The following SLC29A1 variants were observed in gnomAD, a reference collection of about 807,000 sequenced individuals.
SLC29A1 encodes solute carrier family 29 member 1 (Augustine blood group).
Under a neutral mutation model 48.3 loss-of-function variants are expected in SLC29A1, and 22 were observed. The observed-to-expected ratio is 0.46, with a 90% CI of 0.33 to 0.65. SLC29A1 has a LOEUF of 0.65. SLC29A1 is among the 30% of genes least tolerant of loss of function. The pLI is 0.03. For missense variants in SLC29A1, 491 were observed against 575.3 expected (o/e 0.85, Z 1.50); for synonymous variants, 228 against 231.0 (o/e 0.99, Z 0.12).
rs1779123362 is a variant in SLC29A1 at position 44,232,485 on chromosome 6, C to T, written c.1059+57C>T. 6.0e-6 allele frequency: 7 copies of T among 1,167,798 alleles called. No individual in the cohort carries two copies. The South Asian group carries it at 9.0e-5, about 15-fold the overall frequency. 72.3% of individuals were successfully genotyped at this position (1,167,798 alleles called of 1,614,324 possible). On this transcript the variant is annotated intron_variant, in intron 11 of 12. Transcript: ENST00000371755. The surrounding 1 kb of genome is among the most constrained non-coding windows in gnomAD (Gnocchi z 4.7). ...TGGGAAGTAAGAGTCCAGCCTGGAC[C>T]CAGAGAGGGAACCCAAGAAAGTATG...
chr6:44,226,654 A>T (rs1298916836), intron 1 of SLC29A1: 1 of 763,582 alleles, frequency 1.3e-6, no homozygotes, highest in Non-Finnish European at 1.6e-6. Flanking sequence ...TCAGGAGAGG[A>T]CAGCCCCACT....
chr6:44,227,341 AGGTAAGG>A lies in SLC29A1; in HGVS notation c.29+9_29+15del. Reference sequence around the variant, plus strand: ...GACAACCAGTCACCAGCCTCAGGACAGGTAAGGGGTAAGGGGCTGGGCTGTGGATCCA... The same window carrying A: ...GACAACCAGTCACCAGCCTCAGGACAGGTAAGGGGCTGGGCTGTGGATCCA... On this transcript the variant is annotated splice_donor_variant and splice_donor_5th_base_variant and coding_sequence_variant and intron_variant, in exon 2 of 13. Coordinates refer to ENST00000371755, the MANE Select transcript of SLC29A1 (RefSeq NM_001372327.1). LOFTEE classifies it high-confidence loss of function. 2 of 1,613,416 alleles carry A rather than the reference AGGTAAGG, an allele frequency of 1.2e-6. No homozygotes were observed. The highest frequency in any genetic ancestry group is 1.3e-5 in the African/African-American group (1 of 75,046).
At chr6:44,231,287 G>A in intron 8 of SLC29A1, 77 bp from the exon 9 acceptor site, 1 of 961,248 alleles carries the variant, frequency 1.0e-6, no homozygotes. Flanking sequence ...AGTAATCCCA[G>A]CCGTTTTGGG....
chr6:44,229,786 T>C lies in SLC29A1; in HGVS notation c.309T>C (p.His103=). 1 of 1,613,556 alleles carries C rather than the reference T, an allele frequency of 6.2e-7. No homozygotes were observed. The highest frequency in any genetic ancestry group is 2.2e-5 in the East Asian group (1 of 44,870). The change falls in exon 4 of 13, where the codon CAT becomes CAC. Residue 103 remains histidine, a synonymous_variant. Transcript: ENST00000371755. The surrounding 1 kb of genome is among the most constrained non-coding windows in gnomAD (Gnocchi z 5.1). The part of the protein sequence containing the change: ...LLFTYLNSFL[H]QRIPQSVRIL... ...TCACCTACCTCAACTCCTTCCTGCA[T>C]CAGAGGTGAGTGCCCACCCCCTCCC... is the stretch of plus-strand genomic sequence containing the variant.
At chr6:44,230,252 C>T in intron 5 of SLC29A1, 95 bp from the exon 6 acceptor site, 1 of 1,552,762 alleles carries the variant, frequency 6.4e-7, no homozygotes, top group Non-Finnish European at 8.7e-7. Flanking sequence ...TCAAGGCTCA[C>T]CAAGAGTAAA....
At position 44,232,241 on chromosome 6, in the gene SLC29A1, C is replaced by T. The variant is rs1779059733; in HGVS notation, c.974-102C>T. ...TTGCCCTTCCCTGGGCTGGAAGCAT[C>T]TTCTCCATTTTACTGTTGGGGAAGC... On this transcript the variant is annotated intron_variant, in intron 10 of 12. Transcript: ENST00000371755. This position sits in a 1 kb window ranked among gnomAD's most constrained non-coding sequence, Gnocchi z 4.7. The T allele has an allele frequency of 1.7e-6, 2 of 1,159,246 alleles. No homozygotes were observed. The highest frequency in any genetic ancestry group is 1.5e-5 in the African/African-American group (1 of 66,026). 71.8% of individuals were successfully genotyped at this position (1,159,246 alleles called of 1,614,324 possible).
intron 1 of SLC29A1, chr6:44,224,049 CTCGCGAGCGGAGGTGCGGG>C (rs1159899662): frequency 8.0e-5 from 5 of 62,332 alleles, no homozygotes; most frequent in African/African-American, 6.7e-4. Context: ...GAGGTGCAGG[CTCGCGAGCGGAGGTGCGGG>C]GCTGTCTCTT....
At chr6:44,227,149 A>C (rs1777740825) in intron 1 of SLC29A1, 114 bp from the exon 2 acceptor site, 1 of 1,377,708 alleles carries the variant, frequency 7.3e-7, no homozygotes, top group Non-Finnish European at 9.8e-7. Flanking sequence ...AGGGGGTCTT[A>C]CTGGACTCCT....
rs932981136 is a variant in SLC29A1, at chr6:44,229,120, C to T, written c.30-270C>T. Reference sequence around the variant, plus strand: ...CTGGTTCCCAGCCTGCAGAGTCCCCCGAGCCTTCCAGGGCTGATAACCATG... The same window carrying T: ...CTGGTTCCCAGCCTGCAGAGTCCCCTGAGCCTTCCAGGGCTGATAACCATG... On this transcript the variant is annotated intron_variant, in intron 2 of 12. Transcript: ENST00000371755. The surrounding 1 kb of genome is among the most constrained non-coding windows in gnomAD (Gnocchi z 5.1). Among the ~76,000 whole-genome samples, 1 of 152,174 alleles carries T rather than the reference C, an allele frequency of 6.6e-6. No homozygotes were observed.
In SLC29A1 at chr6:44,232,585, C is replaced by T; in HGVS notation, c.1059+157C>T. The T allele has an allele frequency of 3.1e-6, 2 of 650,026 alleles. No homozygotes were observed. Among genetic ancestry groups the T allele is most frequent in the South Asian group, 1.9e-5 (1 of 53,830 alleles). The allele number at this position is 650,026 out of a possible 1,614,324, so 40.3% of individuals were successfully genotyped here. On this transcript the variant is annotated intron_variant, in intron 11 of 12. Coordinates refer to ENST00000371755, the MANE Select transcript of SLC29A1 (RefSeq NM_001372327.1). This position sits in a 1 kb window ranked among gnomAD's most constrained non-coding sequence, Gnocchi z 4.7. The stretch of plus-strand genomic sequence containing the variant: ...TTAAGTACAAGTCTTAAGTGTACAA[C>T]TTAATGAATATATGTATATACACAT...
chr6:44,230,970 TGCCCTGTGTTAGCTA>T, intron 8 of SLC29A1, 81 bp downstream of exon 8: 1 of 1,072,106 alleles, frequency 9.3e-7, no homozygotes. Flanking sequence ...CAAAGATGAG[TGCCCTGTGTTAGCTA>T]GCAGCCCTGA....
Position 44,233,598 on chromosome 6 carries a change from T to C in SLC29A1, c.*70T>C. The C allele has an allele frequency of 2.4e-6, 3 of 1,244,852 alleles. No individual in the cohort carries two copies. Among genetic ancestry groups the C allele is most frequent in the South Asian group, 2.4e-5 (2 of 82,724 alleles). 77.1% of individuals were successfully genotyped at this position (1,244,852 alleles called of 1,614,324 possible). A position where few individuals can be genotyped will look rare whatever the true frequency, so the allele number is the denominator to read the frequency against. On this transcript the variant is annotated 3_prime_UTR_variant, in exon 13 of 13. Coordinates refer to ENST00000371755, the MANE Select transcript of SLC29A1 (RefSeq NM_001372327.1). ...TCCTGCCCCTTCCTTCTGCCAGGGGTGATCCTGAGTGGTCTGGCGGTTTTT... is the reference window on the plus strand; with the variant it reads ...TCCTGCCCCTTCCTTCTGCCAGGGGCGATCCTGAGTGGTCTGGCGGTTTTT...
Position 44,230,670 on chromosome 6 carries a change from G to A in SLC29A1, c.687+5G>A. 2.2e-6 allele frequency: 2 copies of A among 907,244 alleles called. No homozygotes were observed. The highest frequency in any genetic ancestry group is 3.3e-6 in the Non-Finnish European group (2 of 609,798). 56.2% of individuals were successfully genotyped at this position (907,244 alleles called of 1,614,324 possible). ...TACCTGGGCCTGCCCCGCCTGGTGA[G>A]TAAATGGAGGGAGCTGGGGTTTGGG... On this transcript the variant is annotated splice_donor_5th_base_variant and intron_variant, in intron 7 of 12. Coordinates refer to ENST00000371755, the MANE Select transcript of SLC29A1 (RefSeq NM_001372327.1).
At position 44,232,857 on chromosome 6, in the gene SLC29A1, G is replaced by A. The variant is rs373859729; in HGVS notation, c.1110G>A (p.Val370=). 2 of 1,613,738 alleles carry A rather than the reference G, an allele frequency of 1.2e-6. No individual in the cohort carries two copies. The highest frequency in any genetic ancestry group is 1.7e-6 in the Non-Finnish European group (2 of 1,180,050). The change falls in exon 12 of 13, where the codon GTG becomes GTA. Residue 370 remains valine, a synonymous_variant. Coordinates refer to ENST00000371755, the MANE Select transcript of SLC29A1 (RefSeq NM_001372327.1). This position sits in a 1 kb window ranked among gnomAD's most constrained non-coding sequence, Gnocchi z 4.7. ...WLPSLVLARL[V]FVPLLLLCNI... ...CAAGCCTGGTGCTGGCCCGGCTGGT[G>A]TTTGTGCCACTGCTGCTGCTGTGCA...
Position 44,223,778 on chromosome 6 carries a change from T to G in SLC29A1, c.-52+137T>G, listed in dbSNP as rs903884423. On this transcript the variant is annotated intron_variant, in intron 1 of 12. Transcript: ENST00000371755. The surrounding 1 kb of genome is among the most constrained non-coding windows in gnomAD (Gnocchi z 5.0). ...GAAGGGACGCCGGGTGGGGCCCCAG[T>G]GCGGAGCGTGCGGAGCCGCGCAGCA... 20 of 1,027,078 alleles carry G rather than the reference T, an allele frequency of 1.9e-5. No individual in the cohort carries two copies. Among genetic ancestry groups the G allele is most frequent in the Non-Finnish European group, 1.2e-6 (1 of 853,896 alleles). The allele number at this position is 1,027,078 out of a possible 1,614,324, so 63.6% of individuals were successfully genotyped here.
At chr6:44,227,124 A>T in intron 1 of SLC29A1, 139 bp from the exon 2 acceptor site, 2 of 1,402,212 alleles carry the variant, frequency 1.4e-6, no homozygotes, top group South Asian at 1.5e-5. Flanking sequence ...AGTCGTCCTG[A>T]GGGGCAGGGT....
chr6:44,231,225 T>C, intron 8 of SLC29A1, 139 bp from the exon 9 acceptor site: 1 of 650,142 alleles, frequency 1.5e-6, no homozygotes, highest in Non-Finnish European at 2.7e-6. Flanking sequence ...AGGCGAGGTC[T>C]GGGTTAGGGT....
At chr6:44,225,030 TCTC>T (rs1295886116) in intron 1 of SLC29A1, among the ~76,000 whole-genome samples, 1 of 152,074 alleles carries the variant, frequency 6.6e-6, no homozygotes, top group African/African-American at 2.4e-5. Flanking sequence ...AAATACTTCT[TCTC>T]TAAGCCTAAG....
In SLC29A1 at chr6:44,233,914, A is replaced by G. The variant is rs554798146; in HGVS notation, c.*386A>G. The G allele has an allele frequency of 1.3e-5, 3 of 238,066 alleles. No homozygotes were observed. The highest frequency in any genetic ancestry group is 2.3e-5 in the African/African-American group (1 of 43,974). The allele number at this position is 238,066 out of a possible 1,614,324, so 14.7% of individuals were successfully genotyped here. A position where few individuals can be genotyped will look rare whatever the true frequency, so the allele number is the denominator to read the frequency against. On this transcript the variant is annotated 3_prime_UTR_variant, in exon 13 of 13. Coordinates refer to ENST00000371755, the MANE Select transcript of SLC29A1 (RefSeq NM_001372327.1). ...ACTGTCTGCCTGTCCTGGGGTGGCT[A>G]GGAGCTGGGTCTGACCGTTGTATGG...
Sources: gnomAD v4.1 joint callset for allele counts (sites outside exome capture counted in the v4.1 genomes callset) on GRCh38, gnomAD v4.1.1 for gene constraint, Gnocchi (gnomAD v3.1) non-coding constraint, MANE v1.5 for transcripts, NCBI Gene and HGNC (gene_info 2026-07-23, HGNC 2026-07-21) for gene names.